GNG12: variants seen among roughly 807,000 people sequenced by gnomAD.
GNG12 encodes the protein G protein subunit gamma 12, also known as guanine nucleotide-binding protein G(I)/G(S)/G(O) subunit gamma-12.
For synonymous variants in GNG12, 28 were observed against 29.7 expected, an observed-to-expected ratio of 0.94 and a Z score of 0.19; for missense variants, 69 against 83.8, an observed-to-expected ratio of 0.82 and a Z score of 0.69.
intron 2 of GNG12, among the ~76,000 whole-genome samples, chr1:67,714,991 C>A (rs490383): frequency 0.13 from 19,987 of 152,054 alleles, 1,663 homozygotes; most frequent in African/African-American, 0.24. Context: ...GGCGCGATCT[C>A]GGCTCACTGC....
chr1:67,708,933 C>A (rs1360879277), intron 2 of GNG12, among the ~76,000 whole-genome samples: 1 of 152,192 alleles, frequency 6.6e-6, no homozygotes, highest in East Asian at 1.9e-4. Flanking sequence ...CCAGACAAAG[C>A]TGCAAAAAAA....
intron 1 of GNG12, among the ~76,000 whole-genome samples, chr1:67,784,836 T>C (rs1036352996): frequency 6.8e-4 from 104 of 152,336 alleles, no homozygotes; most frequent in Middle Eastern, 3.4e-3. Context: ...TCAAGAGCTA[T>C]GATATTGCTT....
intron 2 of GNG12, among the ~76,000 whole-genome samples, chr1:67,770,453 C>T (rs190174483): frequency 1.3e-5 from 2 of 152,272 alleles, no homozygotes; most frequent in East Asian, 3.9e-4. Context: ...TGTCCCCTTG[C>T]CCCATGGTGG....
intron 1 of GNG12, among the ~76,000 whole-genome samples, chr1:67,789,217 C>T (rs1184236272): frequency 6.6e-6 from 1 of 152,154 alleles, no homozygotes; most frequent in Non-Finnish European, 1.5e-5. Context: ...GGCATCCCCC[C>T]AGGAAGCTCA....
chr1:67,787,055 G>GTGTGTGTA (rs1183903996), intron 1 of GNG12, among the ~76,000 whole-genome samples: 7 of 149,758 alleles, frequency 4.7e-5, no homozygotes, highest in Non-Finnish European at 1.0e-4. Flanking sequence ...GTGTGTGTGT[G>GTGTGTGTA]TGTGTGTGTG....
intron 1 of GNG12, among the ~76,000 whole-genome samples, chr1:67,802,773 C>T (rs1646874038): frequency 6.6e-6 from 1 of 152,274 alleles, no homozygotes; most frequent in South Asian, 2.1e-4. Context: ...TCCCACTGGA[C>T]TTTACTCCTG....
intron 1 of GNG12, among the ~76,000 whole-genome samples, chr1:67,810,230 C>T (rs2100807993): frequency 6.6e-6 from 1 of 152,266 alleles, no homozygotes; most frequent in Non-Finnish European, 1.5e-5. Context: ...GTGAAAATAT[C>T]AGTGGTTGTC....
intron 2 of GNG12, among the ~76,000 whole-genome samples, chr1:67,751,275 T>C (rs1457484271): frequency 1.3e-5 from 2 of 152,176 alleles, no homozygotes; most frequent in Admixed American, 1.3e-4. Flanking sequence ...TTAGCCATTA[T>C]AGAAATGAAT....
rs562114966 is a variant in GNG12 at position 67,736,793 on chromosome 1, G to C, written c.-26-29081C>G. 9.7e-4 allele frequency among the ~76,000 whole-genome samples: 148 copies of C among 152,330 alleles called. 6 individuals are homozygous for C. In the South Asian group the frequency reaches 0.024, roughly 24 times the overall value. ...GGGAGTGGGCTCCAGACTGAACTCG[G>C]AGTGGTTTCCTTGGGTCATTTCTAA... On this transcript the variant is annotated intron_variant, in intron 2 of 3. Transcript: ENST00000370982.
chr1:67,752,700 G>A (rs1284716537), intron 2 of GNG12, among the ~76,000 whole-genome samples: 1 of 152,180 alleles, frequency 6.6e-6, no homozygotes, highest in Non-Finnish European at 1.5e-5. Context: ...TGTTCTAATT[G>A]ATTTCATATA....
At chr1:67,729,274 G>A (rs1646405369) in intron 2 of GNG12, among the ~76,000 whole-genome samples, 1 of 152,130 alleles carries the variant, frequency 6.6e-6, no homozygotes, top group South Asian at 2.1e-4. Flanking sequence ...CTATGGTCCT[G>A]GGGACCTGTC....
intron 2 of GNG12, among the ~76,000 whole-genome samples, chr1:67,753,980 A>G (rs1176626113): frequency 1.3e-5 from 2 of 152,166 alleles, no homozygotes; most frequent in East Asian, 1.9e-4. Context: ...GCTGCCCTAC[A>G]CGGGCTGCTG....
Position 67,703,672 on chromosome 1 carries a change from A to T in GNG12, c.*1779T>A, listed in dbSNP as rs1211380899. ...CGCAGAACGAAAAAGCAGATGACAC[A>T]AGGCTAAGGGCAGTGCCGTGATTTT... On this transcript the variant is annotated 3_prime_UTR_variant, in exon 4 of 4. Coordinates refer to ENST00000370982, the MANE Select transcript of GNG12 (RefSeq NM_018841.6). 6.6e-6 allele frequency: 1 copy of T among 152,252 alleles called. No homozygotes were observed. The highest frequency in any genetic ancestry group is 1.5e-5 in the Non-Finnish European group (1 of 68,040). 9.4% of individuals were successfully genotyped at this position (152,252 alleles called of 1,614,324 possible).
intron 1 of GNG12, among the ~76,000 whole-genome samples, chr1:67,810,665 A>G (rs1371650959): frequency 6.6e-6 from 1 of 152,204 alleles, no homozygotes; most frequent in Admixed American, 6.5e-5. Context: ...AAACCAATAC[A>G]ATAAATTCTC....
intron 1 of GNG12, among the ~76,000 whole-genome samples, chr1:67,826,447 G>A (rs371616560): frequency 6.6e-6 from 1 of 152,186 alleles, no homozygotes; most frequent in African/African-American, 2.4e-5. Context: ...CTGTCAAGAA[G>A]TCACAATCCA....
rs1646237161 is a variant in GNG12, at chr1:67,704,866, TTATTCTA to T, written c.*578_*584del. On this transcript the variant is annotated 3_prime_UTR_variant, in exon 4 of 4. Coordinates refer to ENST00000370982, the MANE Select transcript of GNG12 (RefSeq NM_018841.6). ...ACAATAACGATATGAAAGGAATTTT[TTATTCTA>T]CCTATACACAGCTCAAAATAAAGGT... is the stretch of plus-strand genomic sequence containing the variant. 6.6e-6 allele frequency: 1 copy of T among 152,292 alleles called. No homozygotes were observed. Among genetic ancestry groups the T allele is most frequent in the South Asian group, 2.1e-4 (1 of 4,832 alleles). 9.4% of individuals were successfully genotyped at this position (152,292 alleles called of 1,614,324 possible).
intron 1 of GNG12, among the ~76,000 whole-genome samples, chr1:67,827,117 C>T (rs1647015350): frequency 6.6e-6 from 1 of 152,236 alleles, no homozygotes; most frequent in Non-Finnish European, 1.5e-5. Context: ...GACTTCACTC[C>T]AGTGAGCATG....
intron 1 of GNG12, among the ~76,000 whole-genome samples, chr1:67,814,903 T>C (rs1646944971): frequency 6.6e-6 from 1 of 152,108 alleles, no homozygotes; most frequent in Admixed American, 6.5e-5. Context: ...CCTAATGGAG[T>C]TGTAATGCCA....
At chr1:67,723,509 T>C (rs141801866) in intron 2 of GNG12, among the ~76,000 whole-genome samples, 1 of 152,344 alleles carries the variant, frequency 6.6e-6, no homozygotes, top group African/African-American at 2.4e-5. Context: ...ATTTTTAGTG[T>C]TGTTTTCTAT....
Sources: gnomAD v4.1 joint callset for allele counts (sites outside exome capture counted in the v4.1 genomes callset) on GRCh38, gnomAD v4.1.1 for gene constraint, MANE v1.5 for transcripts, NCBI Gene and HGNC (gene_info 2026-07-23, HGNC 2026-07-21) for gene names.